The following PAQR5 variants were observed in gnomAD, a reference collection of about 807,000 sequenced individuals.
PAQR5 encodes progestin and adipoQ receptor family member 5.
PAQR5 carries 20 observed loss-of-function variants against 34.5 expected under a neutral mutation model. The ratio of observed to expected loss-of-function variants is 0.58; its 90% CI spans 0.41 to 0.84. The LOEUF (loss-of-function observed/expected upper bound fraction) is 0.84, where lower values mean the gene tolerates loss of function less well. PAQR5 is among the 40% of genes least tolerant of loss of function. The pLI is 0.00. For synonymous variants in PAQR5, 131 were observed against 155.6 expected (o/e 0.84, Z 1.18); for missense variants, 378 against 412.7 (o/e 0.92, Z 0.73).
At chr15:69,362,212 G>T (rs7183905) in intron 3 of PAQR5, among the ~76,000 whole-genome samples, 5 of 152,092 alleles carry the variant, frequency 3.3e-5, no homozygotes, top group Non-Finnish European at 5.9e-5. Flanking sequence ...CCAGTTTTTC[G>T]TAAGTTAGAG....
chr15:69,391,600 T>C (rs1335281840), intron 6 of PAQR5: 4 of 455,126 alleles, frequency 8.8e-6, no homozygotes, highest in African/African-American at 2.0e-5. Context: ...TCCAGGAACC[T>C]GGACACTCTT....
At chr15:69,315,294 A>G (rs1046728841) in intron 1 of PAQR5, among the ~76,000 whole-genome samples, 5 of 152,162 alleles carry the variant, frequency 3.3e-5, no homozygotes, top group Non-Finnish European at 7.3e-5. Context: ...GAGGAAATGA[A>G]TTCACTTTGT....
chr15:69,342,318 A>G (rs1346778002), intron 2 of PAQR5, among the ~76,000 whole-genome samples: 2 of 145,826 alleles, frequency 1.4e-5, no homozygotes, highest in Admixed American at 1.4e-4. Context: ...TATTTCTTTT[A>G]TATTGGTTGT....
At chr15:69,340,454 G>A (rs987537827) in intron 2 of PAQR5, among the ~76,000 whole-genome samples, 3 of 152,170 alleles carry the variant, frequency 2.0e-5, no homozygotes, top group Non-Finnish European at 4.4e-5. Flanking sequence ...AGCACTGTGT[G>A]AGCAGACATA....
At chr15:69,327,998 C>G (rs1030938447) in intron 1 of PAQR5, among the ~76,000 whole-genome samples, 3 of 152,096 alleles carry the variant, frequency 2.0e-5, no homozygotes, top group Non-Finnish European at 2.9e-5. Flanking sequence ...CCAGGCTGGT[C>G]TCAAATTCCT....
chr15:69,387,069 C>T (rs1052814534), intron 5 of PAQR5, among the ~76,000 whole-genome samples: 1 of 152,138 alleles, frequency 6.6e-6, no homozygotes, highest in Non-Finnish European at 1.5e-5. Context: ...GACTCAGGCC[C>T]CGGCCTCTCA....
intron 5 of PAQR5, among the ~76,000 whole-genome samples, chr15:69,389,256 C>T (rs2056191718): frequency 6.6e-6 from 1 of 152,236 alleles, no homozygotes; most frequent in Non-Finnish European, 1.5e-5. Context: ...AAAGCAGGGA[C>T]TGTCACTAAC....
intron 3 of PAQR5, among the ~76,000 whole-genome samples, chr15:69,374,884 C>T (rs1048344673): frequency 6.6e-6 from 1 of 152,082 alleles, no homozygotes; most frequent in African/African-American, 2.4e-5. Context: ...AGGGAGGTGA[C>T]AGCACGATGC....
At chr15:69,347,178 C>T (rs923250735) in intron 2 of PAQR5, among the ~76,000 whole-genome samples, 2 of 152,246 alleles carry the variant, frequency 1.3e-5, no homozygotes, top group East Asian at 1.9e-4. Context: ...AAAATAACCA[C>T]GGATTAGCAA....
At chr15:69,345,672 C>A (rs1444734897) in intron 2 of PAQR5, among the ~76,000 whole-genome samples, 2 of 152,156 alleles carry the variant, frequency 1.3e-5, no homozygotes, top group Non-Finnish European at 2.9e-5. Context: ...ATTAAACACA[C>A]ACTCTCTTTT....
At chr15:69,313,573 A>T (rs1242692183) in intron 1 of PAQR5, among the ~76,000 whole-genome samples, 1 of 152,182 alleles carries the variant, frequency 6.6e-6, no homozygotes, top group Non-Finnish European at 1.5e-5. Flanking sequence ...TGGTTGGCAG[A>T]GAAGATTTCT....
At chr15:69,355,288 TTTTCTTTCTTTCTTTC>T (rs202025030) in intron 2 of PAQR5, among the ~76,000 whole-genome samples, 11 of 135,722 alleles carry the variant, frequency 8.1e-5, no homozygotes, top group African/African-American at 2.0e-4. Context: ...TCTTTCTTTC[TTTTCTTTCTTTCTTTC>T]TTTCTTTCTT....
intron 1 of PAQR5, among the ~76,000 whole-genome samples, chr15:69,324,269 T>C (rs1051110662): frequency 2.0e-5 from 3 of 151,990 alleles, no homozygotes; most frequent in African/African-American, 7.3e-5. Flanking sequence ...AGGAGGTGGG[T>C]CAGAGCTGGA....
intron 3 of PAQR5, among the ~76,000 whole-genome samples, chr15:69,375,152 C>A (rs996368695): frequency 2.0e-5 from 3 of 152,170 alleles, no homozygotes; most frequent in African/African-American, 7.2e-5. Flanking sequence ...TCTCGCAGTT[C>A]CGGAGACTGA....
chr15:69,345,565 C>T (rs2054748427), intron 2 of PAQR5, among the ~76,000 whole-genome samples: 1 of 152,082 alleles, frequency 6.6e-6, no homozygotes, highest in South Asian at 2.1e-4. Flanking sequence ...AAGGTTTTAG[C>T]CTGAAACCTC....
Position 69,379,260 on chromosome 15 carries a change from G to T in PAQR5, c.52-623G>T, listed in dbSNP as rs1007482241. The T allele has an allele frequency of 3.5e-5, 6 of 171,406 alleles. No homozygotes were observed. In the South Asian group the frequency reaches 9.8e-4, roughly 28 times the overall value. 10.6% of individuals were successfully genotyped at this position (171,406 alleles called of 1,614,324 possible). ...ACCCCATATTTCACCTGACCAGTCC[G>T]GGTTTCTCAGTGGGTGTTTTTTGGG... On this transcript the variant is annotated intron_variant, in intron 3 of 8. Coordinates refer to ENST00000395407, the MANE Select transcript of PAQR5 (RefSeq NM_017705.4).
chr15:69,302,340 T>C (rs1715959907), intron 1 of PAQR5, among the ~76,000 whole-genome samples: 1 of 152,102 alleles, frequency 6.6e-6, no homozygotes, highest in South Asian at 2.1e-4. Flanking sequence ...CCCAAAGTGC[T>C]GGGATTACAG....
chr15:69,355,060 A>G (rs966139594), intron 2 of PAQR5, among the ~76,000 whole-genome samples: 2 of 152,064 alleles, frequency 1.3e-5, no homozygotes, highest in Non-Finnish European at 2.9e-5. Context: ...ACTCAGCCAC[A>G]CTGTGGGCAT....
At chr15:69,355,837 C>A (rs12914826) in intron 2 of PAQR5, among the ~76,000 whole-genome samples, 11 of 152,146 alleles carry the variant, frequency 7.2e-5, no homozygotes, top group African/African-American at 2.4e-4. Context: ...CTACTCCCCT[C>A]TATTCTGCGT....
Sources: gnomAD v4.1 joint callset for allele counts (sites outside exome capture counted in the v4.1 genomes callset) on GRCh38, gnomAD v4.1.1 for gene constraint, MANE v1.5 for transcripts, NCBI Gene and HGNC (gene_info 2026-07-23, HGNC 2026-07-21) for gene names.